The following ITGAX variants were observed in gnomAD, a reference collection of about 807,000 sequenced individuals.
ITGAX encodes integrin alpha-X.
A neutral mutation model predicts 140.2 loss-of-function variants in ITGAX; 99 were observed. That is an observed-to-expected ratio of 0.71 (90% confidence interval 0.60 to 0.83). ITGAX has a LOEUF of 0.83. ITGAX is among the 40% of genes least tolerant of loss of function. ITGAX has a pLI of 0.00. For synonymous variants in ITGAX, 631 were observed against 600.4 expected, an observed-to-expected ratio of 1.05 and a Z score of -0.75; for missense variants, 1,444 against 1,482.0, an observed-to-expected ratio of 0.97 and a Z score of 0.42.
intron 14 of ITGAX, among the ~76,000 whole-genome samples, chr16:31,366,783 T>A (rs571796272): frequency 6.6e-6 from 1 of 152,354 alleles, no homozygotes; most frequent in African/African-American, 2.4e-5. Context: ...CCCAAAGCAC[T>A]GGGATTACAG....
chr16:31,357,146 G>A (rs2080770341), intron 4 of ITGAX, 45 bp downstream of exon 4: 4 of 1,585,362 alleles, frequency 2.5e-6, no homozygotes, highest in Non-Finnish European at 3.4e-6. Flanking sequence ...GAGGGAGGGA[G>A]GAGCCGGGGC....
chr16:31,356,821 TC>T (rs2080765551), intron 3 of ITGAX, 93 bp downstream of exon 3: 2 of 988,068 alleles, frequency 2.0e-6, no homozygotes, highest in Non-Finnish European at 1.5e-6. Flanking sequence ...ACTTTCAGCT[TC>T]CACTGTGTCT....
At chr16:31,380,428 T>C in intron 27 of ITGAX, 49 bp downstream of exon 27, 1 of 1,610,750 alleles carries the variant, frequency 6.2e-7, no homozygotes, top group Non-Finnish European at 8.5e-7. Flanking sequence ...AGGCGGGACC[T>C]GGCATGTCTG....
In ITGAX at chr16:31,356,630, T is replaced by C; in HGVS notation, c.149T>C (p.Val50Ala). ...TGTTCTTTGTCTCCTCGCAGGGTGG[T>C]GGTTGGAGCCCCCCAAAAGATAACA... is the stretch of plus-strand genomic sequence containing the variant. ...SVVQYANSWV[V>A]VGAPQKITAA... is the part of the protein sequence containing the mutation. The change falls in exon 3 of 30, where the codon GTG becomes GCG. Residue 50 changes from valine (V) to alanine (A), a missense_variant. Val to Ala is a moderately conservative substitution (Grantham distance 64). Coordinates refer to ENST00000268296, the MANE Select transcript of ITGAX (RefSeq NM_000887.5). The C allele has an allele frequency of 1.3e-6, 2 of 1,594,942 alleles. No homozygotes were observed. The highest frequency in any genetic ancestry group is 1.7e-6 in the Non-Finnish European group (2 of 1,171,844).
rs2081021966 is a variant in ITGAX, at chr16:31,376,680, A to G, written c.2509-119A>G. ...CTTAAGGTGGGCTCCAGGAAGCTTT[A>G]TCACTACTTCGTGGCGTGTCTTTGG... On this transcript the variant is annotated intron_variant, in intron 20 of 29. Transcript: ENST00000268296. The G allele has an allele frequency of 1.1e-5, 10 of 885,640 alleles. No individual in the cohort carries two copies. The South Asian group carries it at 1.5e-4, about 14-fold the overall frequency. 54.9% of individuals were successfully genotyped at this position (885,640 alleles called of 1,614,324 possible).
Position 31,372,625 on chromosome 16 carries a change from A to T in ITGAX, c.2321A>T (p.Asp774Val). 6.2e-7 allele frequency: 1 copy of T among 1,614,082 alleles called. No homozygotes were observed. Among genetic ancestry groups the T allele is most frequent in the Non-Finnish European group, 8.5e-7 (1 of 1,179,994 alleles). Residue 774 changes from aspartate to valine, a missense_variant, in exon 19 of 30, where the codon GAC becomes GTC. By Grantham distance (152) the Asp-to-Val change is radical (BLOSUM62 -3). Coordinates refer to ENST00000268296, the MANE Select transcript of ITGAX (RefSeq NM_000887.5). ...SLPFEKNCGADHICQDNLGIS... is the reference protein window; with the variant it reads ...SLPFEKNCGAVHICQDNLGIS... ...CCCTTTGAGAAGAACTGTGGAGCCGACCATATCTGCCAGGACAATCTCGGC... is the reference window on the plus strand; with the variant it reads ...CCCTTTGAGAAGAACTGTGGAGCCGTCCATATCTGCCAGGACAATCTCGGC...
chr16:31,380,771 G>T lies in ITGAX; in HGVS notation c.3277-126G>T, dbSNP rs564831376. 5.6e-6 allele frequency: 7 copies of T among 1,259,410 alleles called. 1 individual carries two copies. In the Admixed American group the frequency reaches 1.1e-4, roughly 21 times the overall value. The allele number at this position is 1,259,410 out of a possible 1,614,324, so 78.0% of individuals were successfully genotyped here. ...AGCTGTCCCTAAGGGCACGGGTGCT[G>T]CTGTGTCTCACCTCTTGGAGCAGGG... On this transcript the variant is annotated intron_variant, in intron 28 of 29. Coordinates refer to ENST00000268296, the MANE Select transcript of ITGAX (RefSeq NM_000887.5).
chr16:31,363,097 G>C, intron 13 of ITGAX, 22 bp downstream of exon 13: 1 of 1,604,964 alleles, frequency 6.2e-7, no homozygotes. Context: ...ATGGGCCTGG[G>C]GTGGGTGGGG....
At chr16:31,357,442 G>T in intron 5 of ITGAX, 78 bp downstream of exon 5, 1 of 895,480 alleles carries the variant, frequency 1.1e-6, no homozygotes. Context: ...AGACAGTCTT[G>T]CCAGAGTGGA....
chr16:31,378,463 T>C (rs964961150), intron 23 of ITGAX, among the ~76,000 whole-genome samples: 1 of 150,982 alleles, frequency 6.6e-6, no homozygotes, highest in African/African-American at 2.5e-5. Context: ...TATGAGCTCT[T>C]TGCCTCATTT....
At chr16:31,368,618 A>AT (rs1409662349) in intron 14 of ITGAX, among the ~76,000 whole-genome samples, 4 of 143,904 alleles carry the variant, frequency 2.8e-5, no homozygotes, top group Non-Finnish European at 4.6e-5. Flanking sequence ...TTTATTTTTT[A>AT]TTTTTTTTAT....
rs1316606592 is a variant in ITGAX, at chr16:31,362,197, T to A, written c.1209T>A (p.Ser403=). ...MSQENVDMRD[S]YLGYSTELAL... is the part of the protein sequence containing the mutation. ...AGGAGAATGTGGACATGAGGGACTC[T>A]TACCTGGGTGAGAAACAGCCAGGGG... The change falls in exon 11 of 30, where the codon TCT becomes TCA. Residue 403 remains serine (S), a synonymous_variant. Transcript: ENST00000268296. 2 of 1,613,800 alleles carry A rather than the reference T, an allele frequency of 1.2e-6. No individual in the cohort carries two copies. Among genetic ancestry groups the A allele is most frequent in the Non-Finnish European group, 1.7e-6 (2 of 1,179,948 alleles).
At chr16:31,369,711 C>T (rs2080935720) in intron 14 of ITGAX, among the ~76,000 whole-genome samples, 1 of 152,056 alleles carries the variant, frequency 6.6e-6, no homozygotes, top group Non-Finnish European at 1.5e-5. Flanking sequence ...GTACACCTAG[C>T]CTTTCTAGAC....
rs1248924690 is a variant in ITGAX, at chr16:31,380,967, G to A, written c.3347G>A (p.Gly1116Asp). 2 of 1,614,120 alleles carry A rather than the reference G, an allele frequency of 1.2e-6. No homozygotes were observed. Among genetic ancestry groups the A allele is most frequent in the Non-Finnish European group, 1.7e-6 (2 of 1,180,022 alleles). Residue 1116 changes from glycine to aspartate, a missense_variant, in exon 29 of 30, where the codon GGT becomes GAT. Coordinates refer to ENST00000268296, the MANE Select transcript of ITGAX (RefSeq NM_000887.5). ...TPLIVGSSIG[G>D]LLLLALITAV... is the part of the protein sequence containing the mutation. ...CTCATCGTAGGCAGCTCCATTGGGG[G>A]TCTGTTGCTGCTGGCACTCATCACA...
Position 31,359,311 on chromosome 16 carries a change from G to A in ITGAX, c.431-389G>A, listed in dbSNP as rs112972308. Among the ~76,000 whole-genome samples, 279 of 152,252 alleles carry A rather than the reference G, an allele frequency of 1.8e-3. 2 individuals carry two copies. The highest frequency in any genetic ancestry group is 5.9e-3 in the African/African-American group (245 of 41,544). Reference sequence around the variant, plus strand: ...CTCCCAAGTAGTTGGGACCACAGGCGCGTGCCACCACACCCACCTAATTTT... The same window carrying A: ...CTCCCAAGTAGTTGGGACCACAGGCACGTGCCACCACACCCACCTAATTTT... On this transcript the variant is annotated intron_variant, in intron 5 of 29. Coordinates refer to ENST00000268296, the MANE Select transcript of ITGAX (RefSeq NM_000887.5).
Position 31,376,921 on chromosome 16 carries a change from C to T in ITGAX, c.2625+6C>T. 6.2e-7 allele frequency: 1 copy of T among 1,614,132 alleles called. No homozygotes were observed. The highest frequency in any genetic ancestry group is 1.1e-5 in the South Asian group (1 of 91,082). ...TCTTCCGTGGCGGCGCCCAGGTCAG[C>T]CTGGCTTCTGTCCCCTCACTGCTCC... On this transcript the variant is annotated splice_donor_region_variant and intron_variant, in intron 21 of 29. Coordinates refer to ENST00000268296, the MANE Select transcript of ITGAX (RefSeq NM_000887.5).
intron 27 of ITGAX, 70 bp from the exon 28 acceptor site, chr16:31,380,453 C>A (rs1358492314): frequency 6.2e-7 from 1 of 1,609,896 alleles, no homozygotes. Flanking sequence ...CATCTGCAAG[C>A]CAGGGCACCC....
At position 31,356,739 on chromosome 16, in the gene ITGAX, G is replaced by A. The variant is rs747281460; in HGVS notation, c.247+11G>A. 2.6e-6 allele frequency: 4 copies of A among 1,558,860 alleles called. No individual in the cohort carries two copies. Among genetic ancestry groups the A allele is most frequent in the African/African-American group, 2.7e-5 (2 of 74,150 alleles). On this transcript the variant is annotated intron_variant, in intron 3 of 29. Coordinates refer to ENST00000268296, the MANE Select transcript of ITGAX (RefSeq NM_000887.5). The stretch of plus-strand genomic sequence containing the variant: ...CCATCGGCCTGCAGGGTGAGTCACC[G>A]CCCCTCCCGGGACCCAGGGCCGGGC...
Position 31,360,412 on chromosome 16 carries a change from GGA to G in ITGAX, c.811_812del (p.Asp271CysfsTer6), listed in dbSNP as rs1424332034. ...AAGAAGGCGACAGCCTGGATTATAAGGATGTCATCCCCATGGCTGATGCAGCA... is the reference window on the plus strand; with the variant it reads ...AAGAAGGCGACAGCCTGGATTATAAGTGTCATCCCCATGGCTGATGCAGCA... ...KKEGDSLDYK[D>X]VIPMADAAGI... On this transcript the variant is annotated frameshift_variant, in exon 8 of 30. Transcript: ENST00000268296. LOFTEE classifies it high-confidence loss of function. 5.6e-6 allele frequency: 9 copies of G among 1,613,868 alleles called. No individual in the cohort carries two copies. The highest frequency in any genetic ancestry group is 7.6e-6 in the Non-Finnish European group (9 of 1,179,988).
Sources: gnomAD v4.1 joint callset for allele counts (sites outside exome capture counted in the v4.1 genomes callset) on GRCh38, gnomAD v4.1.1 for gene constraint, MANE v1.5 for transcripts, NCBI Gene and HGNC (gene_info 2026-07-23, HGNC 2026-07-21) for gene names.